The following FAM107B variants were observed in gnomAD, a reference collection of about 807,000 sequenced individuals.
FAM107B encodes the protein family with sequence similarity 107 member B.
In FAM107B, 21 loss-of-function variants were observed where a neutral mutation model predicts 31.5. That is an observed-to-expected ratio of 0.67 (90% CI 0.47 to 0.96). The LOEUF (loss-of-function observed/expected upper bound fraction) is 0.96. Among genes scored for constraint, FAM107B ranks in the 40% least tolerant of loss-of-function variants. FAM107B has a pLI of 0.00. For missense variants in FAM107B, 452 were observed against 377.1 expected (o/e 1.20, Z -1.64); for synonymous variants, 157 against 141.5 (o/e 1.11, Z -0.78).
Position 14,571,975 on chromosome 10 carries a change from C to T in FAM107B, c.470-41460G>A, listed in dbSNP as rs570945729. 10 of 985,366 alleles carry T rather than the reference C, an allele frequency of 1.0e-5. No homozygotes were observed. In the East Asian group the frequency reaches 4.5e-4, roughly 45 times the overall value. 61.0% of individuals were successfully genotyped at this position (985,366 alleles called of 1,614,324 possible). On this transcript the variant is annotated intron_variant, in intron 2 of 4. Coordinates refer to ENST00000181796, the MANE Select transcript of FAM107B (RefSeq NM_031453.4). The stretch of plus-strand genomic sequence containing the variant: ...AGCCCAAGGTAGCAAATAAAAAGAT[C>T]GCAGTAAGAATGCACCTTCTGACTG...
intron 2 of FAM107B, among the ~76,000 whole-genome samples, chr10:14,550,817 TTAAC>T (rs1342401594): frequency 2.6e-5 from 4 of 152,310 alleles, no homozygotes; most frequent in Middle Eastern, 3.4e-3. Context: ...ACTGGTTACT[TTAAC>T]TAAATGAAAA....
At chr10:14,755,369 C>A (rs2131585690) in intron 1 of FAM107B, among the ~76,000 whole-genome samples, 1 of 152,012 alleles carries the variant, frequency 6.6e-6, no homozygotes, top group Non-Finnish European at 1.5e-5. Context: ...TGGTGAAACC[C>A]CATCTCTACA....
intron 2 of FAM107B, among the ~76,000 whole-genome samples, chr10:14,544,453 T>C (rs1487028840): frequency 1.3e-5 from 2 of 152,194 alleles, no homozygotes; most frequent in African/African-American, 4.8e-5. Context: ...ATATTCTTCT[T>C]GCCTACTCCC....
At chr10:14,638,989 G>A (rs1350768814) in intron 2 of FAM107B, among the ~76,000 whole-genome samples, 1 of 152,048 alleles carries the variant, frequency 6.6e-6, no homozygotes, top group Admixed American at 6.6e-5. Context: ...CCAGGATTTC[G>A]AGACCAGTCT....
At chr10:14,594,501 C>CAAAAAAAAAAAAAAAACAAAAA (rs1852118695) in intron 2 of FAM107B, among the ~76,000 whole-genome samples, 1 of 80,162 alleles carries the variant, frequency 1.2e-5, no homozygotes. Flanking sequence ...AAGACCCTGC[C>CAAAAAAAAAAAAAAAACAAAAA]AAAAAAAAAA....
chr10:14,727,370 A>G lies in FAM107B; in HGVS notation c.411+46883T>C, dbSNP rs569272018. Among the ~76,000 whole-genome samples, 4 of 152,272 alleles carry G rather than the reference A, an allele frequency of 2.6e-5. No individual in the cohort carries two copies. In the South Asian group the frequency reaches 8.3e-4, roughly 32 times the overall value. On this transcript the variant is annotated intron_variant, in intron 1 of 4. Transcript: ENST00000181796. ...ACCATCATGCTCGGGTTTTCATCAC[A>G]CTGCCTGAGCCACGTCTCTTAGATC...
chr10:14,557,773 CA>C (rs1849828189), intron 2 of FAM107B, among the ~76,000 whole-genome samples: 1 of 152,156 alleles, frequency 6.6e-6, no homozygotes, highest in Admixed American at 6.5e-5. Flanking sequence ...AGCTGAGGCC[CA>C]GGGGGATTAG....
chr10:14,668,549 C>T (rs771491073), intron 1 of FAM107B, among the ~76,000 whole-genome samples: 3 of 152,062 alleles, frequency 2.0e-5, no homozygotes, highest in South Asian at 2.1e-4. Flanking sequence ...TTGTCACTGC[C>T]GTGACACTGA....
chr10:14,567,357 T>C (rs868645772), intron 2 of FAM107B, among the ~76,000 whole-genome samples: 77 of 152,112 alleles, frequency 5.1e-4, no homozygotes, highest in African/African-American at 1.9e-3. Flanking sequence ...TCCCGTGAGC[T>C]GTGGAAAGAT....
intron 2 of FAM107B, among the ~76,000 whole-genome samples, chr10:14,551,345 A>G (rs1849244419): frequency 6.6e-6 from 1 of 152,100 alleles, no homozygotes; most frequent in Non-Finnish European, 1.5e-5. Flanking sequence ...GGGTTTCACC[A>G]TGTTGGCCAG....
At chr10:14,715,952 G>C (rs1267766450) in intron 1 of FAM107B, among the ~76,000 whole-genome samples, 4 of 152,096 alleles carry the variant, frequency 2.6e-5, no homozygotes, top group African/African-American at 9.7e-5. Flanking sequence ...ACAATCACGT[G>C]AGCCAATTTC....
chr10:14,635,692 C>T (rs900653170), intron 2 of FAM107B, among the ~76,000 whole-genome samples: 2 of 151,982 alleles, frequency 1.3e-5, no homozygotes, highest in African/African-American at 4.8e-5. Context: ...AGTACAGTGG[C>T]GTGATCTCAG....
intron 1 of FAM107B, among the ~76,000 whole-genome samples, chr10:14,762,796 ACAC>A (rs769052302): frequency 4.7e-5 from 7 of 148,614 alleles, no homozygotes; most frequent in African/African-American, 1.8e-4. Flanking sequence ...ACACACACAC[ACAC>A]ACAAAAAGAA....
chr10:14,659,906 A>T (rs553001110), intron 2 of FAM107B, among the ~76,000 whole-genome samples: 1 of 151,594 alleles, frequency 6.6e-6, no homozygotes, highest in African/African-American at 2.4e-5. Context: ...AAAAATACTT[A>T]TTTTTTTTTC....
chr10:14,641,789 G>A (rs1364199632), intron 2 of FAM107B, among the ~76,000 whole-genome samples: 1 of 152,136 alleles, frequency 6.6e-6, no homozygotes, highest in African/African-American at 2.4e-5. Flanking sequence ...GGTGGGGCAG[G>A]AGGGAGACAT....
At chr10:14,661,673 T>C (rs1313581537) in intron 2 of FAM107B, 1 of 152,224 alleles carries the variant, frequency 6.6e-6, no homozygotes, top group African/African-American at 2.4e-5. Context: ...TTCCTCATAA[T>C]AAATCTCCTT....
At chr10:14,701,343 C>T (rs1855394237) in intron 1 of FAM107B, among the ~76,000 whole-genome samples, 1 of 152,084 alleles carries the variant, frequency 6.6e-6, no homozygotes, top group Admixed American at 6.6e-5. Flanking sequence ...CTCCCAGGTT[C>T]AAGCGATTCT....
intron 1 of FAM107B, among the ~76,000 whole-genome samples, chr10:14,740,454 G>T (rs751129619): frequency 6.6e-6 from 1 of 152,160 alleles, no homozygotes; most frequent in Non-Finnish European, 1.5e-5. Flanking sequence ...GGGGTACGGG[G>T]GAAGGAGACA....
In FAM107B at chr10:14,774,431, T is replaced by A; in HGVS notation, c.233A>T (p.Asp78Val). The A allele has an allele frequency of 6.2e-7, 1 of 1,614,214 alleles. No individual in the cohort carries two copies. The highest frequency in any genetic ancestry group is 8.5e-7 in the Non-Finnish European group (1 of 1,180,032). The change falls in exon 1 of 5, where the codon GAT becomes GTT. Residue 78 changes from aspartate (D) to valine (V), a missense_variant. Physicochemically the swap from Asp to Val is radical, Grantham distance 152. Coordinates refer to ENST00000181796, the MANE Select transcript of FAM107B (RefSeq NM_031453.4). ...ATTTCTCTCTGCATGGGTGCTCGAATCTTGCCTTTTCTCTGGAGCTCCTTC... is the reference window on the plus strand; with the variant it reads ...ATTTCTCTCTGCATGGGTGCTCGAAACTTGCCTTTTCTCTGGAGCTCCTTC... Reference protein sequence around the residue: ...SAEGAPEKRQDSSTHAERNGS... With the variant: ...SAEGAPEKRQVSSTHAERNGS...
Sources: gnomAD v4.1 joint callset for allele counts (sites outside exome capture counted in the v4.1 genomes callset) on GRCh38, gnomAD v4.1.1 for gene constraint, MANE v1.5 for transcripts, NCBI Gene and HGNC (gene_info 2026-07-23, HGNC 2026-07-21) for gene names.